MLKL: variants seen among roughly 807,000 people sequenced by gnomAD.
MLKL encodes mixed lineage kinase domain-like protein.
In MLKL, 55 loss-of-function variants were observed where a neutral mutation model predicts 56.5. The ratio of observed to expected loss-of-function variants is 0.97; its 90% CI spans 0.78 to 1.22. The LOEUF is 1.22. Among genes scored for constraint, MLKL ranks in the 50% most tolerant of loss-of-function variants. The probability of loss-of-function intolerance (pLI) is 0.00; values close to 1 mark genes in which losing one functional copy is unlikely to be tolerated. For synonymous variants in MLKL, 251 were observed against 208.3 expected, an observed-to-expected ratio of 1.20 and a Z score of -1.76; for missense variants, 694 against 573.9, an observed-to-expected ratio of 1.21 and a Z score of -2.14.
chr16:74,683,183 C>T (rs1262251834), intron 5 of MLKL, among the ~76,000 whole-genome samples: 1 of 151,424 alleles, frequency 6.6e-6, no homozygotes, highest in Admixed American at 6.6e-5. Flanking sequence ...GTGGCAGGTG[C>T]GTGTAATCCC....
At chr16:74,691,518 G>T (rs764841931) in intron 3 of MLKL, 55 bp from the exon 4 acceptor site, 1 of 1,548,754 alleles carries the variant, frequency 6.5e-7, no homozygotes, top group Non-Finnish European at 8.7e-7. Flanking sequence ...CAGAGGAAGG[G>T]GTCCTAAGGG....
chr16:74,676,392 G>C, intron 7 of MLKL: 2 of 985,452 alleles, frequency 2.0e-6, no homozygotes, highest in Non-Finnish European at 1.2e-6. Flanking sequence ...TGTGCTGAAG[G>C]CTGCCAGCCC....
intron 8 of MLKL, 25 bp from the exon 9 acceptor site, chr16:74,675,429 C>A: frequency 6.2e-7 from 1 of 1,611,504 alleles, no homozygotes; most frequent in Non-Finnish European, 8.5e-7. Context: ...AGAAACTGAA[C>A]AACCATAACT....
chr16:74,691,053 G>GTT (rs780588238), intron 4 of MLKL, among the ~76,000 whole-genome samples: 4 of 146,170 alleles, frequency 2.7e-5, no homozygotes, highest in South Asian at 2.2e-4. Context: ...AGGGAAAGTT[G>GTT]TTTTTTTTTT....
At chr16:74,673,289 C>T (rs1959346306) in intron 10 of MLKL, among the ~76,000 whole-genome samples, 1 of 152,160 alleles carries the variant, frequency 6.6e-6, no homozygotes, top group Admixed American at 6.6e-5. Context: ...GCGATCTTGG[C>T]TCACTGCAAC....
chr16:74,692,532 A>G (rs946377888), intron 2 of MLKL, 116 bp from the exon 3 acceptor site: 4 of 778,254 alleles, frequency 5.1e-6, no homozygotes, highest in African/African-American at 1.8e-5. Context: ...CATATTCATT[A>G]TGGTAGGGAT....
Position 74,695,617 on chromosome 16 carries a change from G to A in MLKL, c.141C>T (p.Asp47=), listed in dbSNP as rs1359307283. The change falls in exon 2 of 11, where the codon GAC becomes GAT. Residue 47 remains aspartate (D), a synonymous_variant. Transcript: ENST00000308807. ...CAGAGGGCACGCTCCTCTTTCCTTG[G>A]TCCTGGAGCATCTCCAGAGGCTTGA... ...GLIKPLEMLQ[D]QGKRSVPSEK... 1.2e-6 allele frequency: 2 copies of A among 1,614,066 alleles called. No individual in the cohort carries two copies. The highest frequency in any genetic ancestry group is 1.7e-6 in the Non-Finnish European group (2 of 1,180,060).
intron 2 of MLKL, among the ~76,000 whole-genome samples, chr16:74,694,390 T>C (rs1302371007): frequency 6.6e-6 from 1 of 152,150 alleles, no homozygotes; most frequent in African/African-American, 2.4e-5. Flanking sequence ...GGAGATTTAC[T>C]TCTCACGCCG....
In MLKL at chr16:74,672,202, G is replaced by C. The variant is rs572118788; in HGVS notation, c.*302C>G. 3.4e-6 allele frequency: 1 copy of C among 294,488 alleles called. No individual in the cohort carries two copies. Among genetic ancestry groups the C allele is most frequent in the South Asian group, 6.5e-5 (1 of 15,412 alleles). The allele number at this position is 294,488 out of a possible 1,614,324, so 18.2% of individuals were successfully genotyped here. ...AGCCCAGATTCAAATGGTGGGGAAA[G>C]AGACTTCATTTATGGAAGGGAGGAG... On this transcript the variant is annotated 3_prime_UTR_variant, in exon 11 of 11. Coordinates refer to ENST00000308807, the MANE Select transcript of MLKL (RefSeq NM_152649.4).
At chr16:74,686,239 GGT>G (rs1053535805) in intron 4 of MLKL, among the ~76,000 whole-genome samples, 9 of 152,304 alleles carry the variant, frequency 5.9e-5, no homozygotes, top group Admixed American at 5.9e-4. Context: ...TGGGATTTCA[GGT>G]GTGAGTCACC....
chr16:74,691,919 G>A (rs778132197), intron 3 of MLKL, among the ~76,000 whole-genome samples: 8 of 152,074 alleles, frequency 5.3e-5, no homozygotes, highest in South Asian at 2.1e-4. Flanking sequence ...CCTCCACCCC[G>A]TGAGCTCCTG....
chr16:74,672,320 A>T lies in MLKL; in HGVS notation c.*184T>A, dbSNP rs1293523699. 1 of 540,472 alleles carries T rather than the reference A, an allele frequency of 1.9e-6. No homozygotes were observed. The highest frequency in any genetic ancestry group is 3.4e-6 in the Non-Finnish European group (1 of 298,450). The allele number at this position is 540,472 out of a possible 1,614,324, so 33.5% of individuals were successfully genotyped here. ...TTACTGTCAGAGGTATGTTTTTGGA[A>T]ATATCATTTGGAGTGGGATGTGTCC... On this transcript the variant is annotated 3_prime_UTR_variant, in exon 11 of 11. Coordinates refer to ENST00000308807, the MANE Select transcript of MLKL (RefSeq NM_152649.4).
rs1397073092 is a variant in MLKL, at chr16:74,675,659, G to T, written c.1144C>A (p.Leu382Met). The T allele has an allele frequency of 5.0e-6, 8 of 1,614,054 alleles. 1 individual carries two copies. In the South Asian group the frequency reaches 6.6e-5, roughly 13 times the overall value. Residue 382 changes from leucine to methionine, a missense_variant, in exon 8 of 11, where the codon CTG becomes ATG. By Grantham distance (15) the Leu-to-Met change is conservative. Coordinates refer to ENST00000308807, the MANE Select transcript of MLKL (RefSeq NM_152649.4). ...KSTAYLSPQE[L>M]EDVFYQYDVK... ...TCATATTGATAAAATACATCTTCCA[G>T]TTCCTGAGGTGAGAGATATGCTGTA...
chr16:74,681,505 A>G (rs1959965327), intron 6 of MLKL, among the ~76,000 whole-genome samples: 2 of 151,940 alleles, frequency 1.3e-5, no homozygotes, highest in South Asian at 4.2e-4. Context: ...AATAAAACAC[A>G]AGACACGGCC....
chr16:74,675,537 G>A, intron 8 of MLKL, 76 bp downstream of exon 8: 1 of 1,569,964 alleles, frequency 6.4e-7, no homozygotes, highest in Non-Finnish European at 8.6e-7. Context: ...AGTTTAGGTG[G>A]TCCTTGGAGG....
Position 74,682,653 on chromosome 16 carries a change from G to C in MLKL, c.954C>G (p.Tyr318Ter). ...VLVLGAARGL[Y>*]RLHHSEAPEL... ...GGCGCCTTTTCACCCCGTCTTACCG[G>C]TATAGGCCTCGGGCTGCCCCCAGGA... Residue 318 changes from tyrosine (Y) to a stop codon, truncating the protein, a stop_gained and splice_region_variant, in exon 6 of 11, where the codon TAC becomes TAG. Coordinates refer to ENST00000308807, the MANE Select transcript of MLKL (RefSeq NM_152649.4). LOFTEE classifies it high-confidence loss of function. 1 of 1,613,996 alleles carries C rather than the reference G, an allele frequency of 6.2e-7. No individual in the cohort carries two copies. Among genetic ancestry groups the C allele is most frequent in the Non-Finnish European group, 8.5e-7 (1 of 1,180,006 alleles).
At chr16:74,673,716 G>T (rs1221871136) in intron 10 of MLKL, among the ~76,000 whole-genome samples, 1 of 151,348 alleles carries the variant, frequency 6.6e-6, no homozygotes, top group East Asian at 1.9e-4. Flanking sequence ...AAGGAGGGAG[G>T]AAAAAAGGAG....
rs1960054845 is a variant in MLKL at position 74,682,646 on chromosome 16, C to T, written c.956+5G>A. On this transcript the variant is annotated splice_donor_5th_base_variant and intron_variant, in intron 6 of 10. Transcript: ENST00000308807. The stretch of plus-strand genomic sequence containing the variant: ...CCTTAGTGGCGCCTTTTCACCCCGT[C>T]TTACCGGTATAGGCCTCGGGCTGCC... 6.2e-7 allele frequency: 1 copy of T among 1,613,726 alleles called. No homozygotes were observed. Among genetic ancestry groups the T allele is most frequent in the African/African-American group, 1.3e-5 (1 of 74,912 alleles).
rs936994377 is a variant in MLKL at position 74,675,711 on chromosome 16, C to T, written c.1092G>A (p.Thr364=). The stretch of plus-strand genomic sequence containing the variant: ...ATTTGACTCTGTCTGTCTTTTCTCT[C>T]GTAGTTCCCAAACTCATGGAAGTCT... The part of the protein sequence containing the change: ...KTQTSMSLGT[T]REKTDRVKST... Residue 364 remains threonine (T), a synonymous_variant, in exon 8 of 11, where the codon ACG becomes ACA. Transcript: ENST00000308807. 16 of 1,614,036 alleles carry T rather than the reference C, an allele frequency of 9.9e-6. No homozygotes were observed. Among genetic ancestry groups the T allele is most frequent in the African/African-American group, 5.3e-5 (4 of 74,924 alleles).
Sources: gnomAD v4.1 joint callset for allele counts (sites outside exome capture counted in the v4.1 genomes callset) on GRCh38, gnomAD v4.1.1 for gene constraint, MANE v1.5 for transcripts, NCBI Gene and HGNC (gene_info 2026-07-23, HGNC 2026-07-21) for gene names.